Variants in SEC22A observed in about 807,000 individuals in gnomAD.
The protein encoded by SEC22A is vesicle-trafficking protein SEC22a.
Under a neutral mutation model 35.3 loss-of-function variants are expected in SEC22A, and 22 were observed. That is an observed-to-expected ratio of 0.62 (90% CI 0.45 to 0.89). The LOEUF (loss-of-function observed/expected upper bound fraction) is 0.89. Ranked by LOEUF, SEC22A falls within the 40% of genes least tolerant of loss-of-function variation. The probability of loss-of-function intolerance (pLI) is 0.00; values close to 1 mark genes in which losing one functional copy is unlikely to be tolerated. For missense variants in SEC22A, 354 were observed against 362.5 expected, an observed-to-expected ratio of 0.98 and a Z score of 0.19; for synonymous variants, 119 against 129.5, an observed-to-expected ratio of 0.92 and a Z score of 0.55.
In SEC22A at chr3:123,225,128, G is replaced by A. The variant is rs1937197442; in HGVS notation, c.372G>A (p.Gln124=). Residue 124 remains glutamine, a synonymous_variant, in exon 4 of 7, where the codon CAG becomes CAA. Coordinates refer to ENST00000492595, the MANE Select transcript of SEC22A (RefSeq NM_012430.5). The part of the protein sequence containing the change: ...EFDNFIQRTK[Q]RYNNPRSLST... ...ATAACTTCATTCAGAGGACCAAGCA[G>A]CGATATAATAATCCCAGGTCTCTTT... 7 of 1,610,712 alleles carry A rather than the reference G, an allele frequency of 4.3e-6. No homozygotes were observed. Among genetic ancestry groups the A allele is most frequent in the South Asian group, 1.1e-5 (1 of 90,652 alleles).
intron 5 of SEC22A, among the ~76,000 whole-genome samples, chr3:123,247,116 A>G (rs1428649291): frequency 2.0e-5 from 3 of 152,168 alleles, no homozygotes; most frequent in African/African-American, 7.2e-5. Flanking sequence ...GCCAGATCAG[A>G]TTTATTCCAG....
At chr3:123,212,581 A>T (rs1269743796) in intron 2 of SEC22A, among the ~76,000 whole-genome samples, 1 of 152,006 alleles carries the variant, frequency 6.6e-6, no homozygotes, top group Non-Finnish European at 1.5e-5. Context: ...ATTTATTTTG[A>T]CTTTTCTTAA....
intron 4 of SEC22A, among the ~76,000 whole-genome samples, chr3:123,245,472 A>T (rs933403529): frequency 2.0e-5 from 3 of 152,278 alleles, no homozygotes; most frequent in Admixed American, 2.0e-4. Context: ...AGGTCAGAGG[A>T]TCACTTGAGG....
At chr3:123,238,661 A>T (rs907847637) in intron 4 of SEC22A, among the ~76,000 whole-genome samples, 2 of 152,074 alleles carry the variant, frequency 1.3e-5, no homozygotes, top group African/African-American at 4.8e-5. Context: ...GATAAACATC[A>T]TTTTTCAGGG....
chr3:123,262,755 G>A (rs938200403), intron 6 of SEC22A, among the ~76,000 whole-genome samples: 1 of 152,204 alleles, frequency 6.6e-6, no homozygotes, highest in Admixed American at 6.5e-5. Context: ...CTTATAATGA[G>A]TATATCAGGA....
chr3:123,237,872 C>A (rs1232032852), intron 4 of SEC22A, among the ~76,000 whole-genome samples: 1 of 151,628 alleles, frequency 6.6e-6, no homozygotes, highest in Non-Finnish European at 1.5e-5. Context: ...GGAAGAGGGG[C>A]AAGATGCAGT....
At chr3:123,253,421 A>G (rs890435330) in intron 5 of SEC22A, among the ~76,000 whole-genome samples, 1 of 152,150 alleles carries the variant, frequency 6.6e-6, no homozygotes, top group Non-Finnish European at 1.5e-5. Flanking sequence ...TAAAGAAATT[A>G]TGTCCCTGCT....
chr3:123,255,903 C>T (rs1398296324), intron 5 of SEC22A, among the ~76,000 whole-genome samples: 1 of 150,252 alleles, frequency 6.7e-6, no homozygotes, highest in Non-Finnish European at 1.5e-5. Context: ...TACCTACCTA[C>T]CATTTTACTT....
rs576328344 is a variant in SEC22A, at chr3:123,251,861, G to A, written c.657+5847G>A. The stretch of plus-strand genomic sequence containing the variant: ...ATATTTTTCCTTTCCTTTTCCCACT[G>A]TGAAGATAAATGAAGGAGCACTATA... On this transcript the variant is annotated intron_variant, in intron 5 of 6. Coordinates refer to ENST00000492595, the MANE Select transcript of SEC22A (RefSeq NM_012430.5). Among the ~76,000 whole-genome samples, 70 of 152,284 alleles carry A rather than the reference G, an allele frequency of 4.6e-4. No individual in the cohort carries two copies. In the South Asian group the frequency reaches 7.5e-3, roughly 16 times the overall value.
rs1219783043 is a variant in SEC22A at position 123,272,384 on chromosome 3, CT to C, written c.*666del. On this transcript the variant is annotated 3_prime_UTR_variant, in exon 7 of 7. Coordinates refer to ENST00000492595, the MANE Select transcript of SEC22A (RefSeq NM_012430.5). The stretch of plus-strand genomic sequence containing the variant: ...CCTTTCTAATCCACATTTATTGTTT[CT>C]TTTGAAATCACGTCTAAAAAATATG... 2.6e-5 allele frequency: 4 copies of C among 152,168 alleles called. No homozygotes were observed. Among genetic ancestry groups the C allele is most frequent in the African/African-American group, 4.8e-5 (2 of 41,452 alleles). The allele number at this position is 152,168 out of a possible 1,614,324, so 9.4% of individuals were successfully genotyped here.
At chr3:123,210,277 C>CTAGG (rs1383524328) in intron 2 of SEC22A, among the ~76,000 whole-genome samples, 1 of 152,062 alleles carries the variant, frequency 6.6e-6, no homozygotes, top group East Asian at 1.9e-4. Context: ...TTGTAACGAG[C>CTAGG]TAGGGTAGTA....
chr3:123,257,692 C>T lies in SEC22A; in HGVS notation c.658-1832C>T, dbSNP rs1468533792. Among the ~76,000 whole-genome samples, 3 of 150,484 alleles carry T rather than the reference C, an allele frequency of 2.0e-5. No homozygotes were observed. In the East Asian group the frequency reaches 5.9e-4, roughly 30 times the overall value. On this transcript the variant is annotated intron_variant, in intron 5 of 6. Coordinates refer to ENST00000492595, the MANE Select transcript of SEC22A (RefSeq NM_012430.5). Reference sequence around the variant, plus strand: ...CCAGGCTGGGTGATAGAACGAGACTCAATCTCGAAAGAAAGAGGCCGGGTG... The same window carrying T: ...CCAGGCTGGGTGATAGAACGAGACTTAATCTCGAAAGAAAGAGGCCGGGTG...
At chr3:123,258,187 G>A (rs1047468749) in intron 5 of SEC22A, among the ~76,000 whole-genome samples, 1 of 152,090 alleles carries the variant, frequency 6.6e-6, no homozygotes, top group Non-Finnish European at 1.5e-5. Context: ...AAGTGTTTGT[G>A]TAGTACTGTG....
chr3:123,263,401 GC>G (rs1937937843), intron 6 of SEC22A, among the ~76,000 whole-genome samples: 1 of 152,190 alleles, frequency 6.6e-6, no homozygotes, highest in African/African-American at 2.4e-5. Context: ...CATTATGGGG[GC>G]TCCGCCCTCA....
At chr3:123,258,709 T>C (rs1182729505) in intron 5 of SEC22A, among the ~76,000 whole-genome samples, 1 of 148,056 alleles carries the variant, frequency 6.8e-6, no homozygotes, top group East Asian at 1.9e-4. Flanking sequence ...AAATTATCAT[T>C]GTATAAAGAG....
chr3:123,209,223 T>A lies in SEC22A; in HGVS notation c.6T>A (p.Ser2=). The change falls in exon 2 of 7, where the codon TCT becomes TCA. Residue 2 remains serine (S), a synonymous_variant. Transcript: ENST00000492595. ...GGTCTTCTCTGTTGGTTGAAATGTC[T>A]ATGATTTTATCTGCCTCAGTCATTC... M[S]MILSASVIRV... The A allele has an allele frequency of 6.2e-7, 1 of 1,614,072 alleles. No homozygotes were observed. The highest frequency in any genetic ancestry group is 1.3e-5 in the African/African-American group (1 of 75,074).
intron 2 of SEC22A, among the ~76,000 whole-genome samples, chr3:123,213,799 T>A (rs1319256894): frequency 1.3e-5 from 2 of 152,098 alleles, no homozygotes; most frequent in Non-Finnish European, 2.9e-5. Flanking sequence ...ATGTGCCAAA[T>A]CAGTTGATAC....
intron 4 of SEC22A, among the ~76,000 whole-genome samples, chr3:123,228,826 A>C (rs1297259924): frequency 2.6e-5 from 4 of 152,168 alleles, no homozygotes; most frequent in Non-Finnish European, 5.9e-5. Flanking sequence ...TTTTTAAAAA[A>C]CACAGTGGAA....
At chr3:123,255,317 A>C (rs1937703644) in intron 5 of SEC22A, among the ~76,000 whole-genome samples, 1 of 151,812 alleles carries the variant, frequency 6.6e-6, no homozygotes, top group African/African-American at 2.4e-5. Context: ...CCTATTCCTC[A>C]GTTTATTTGA....
Sources: allele counts gnomAD v4.1 joint callset (sites outside exome capture counted in the v4.1 genomes callset), GRCh38; gene constraint gnomAD v4.1.1; transcripts MANE v1.5; gene names NCBI Gene and HGNC (gene_info 2026-07-23, HGNC 2026-07-21).